The following PLAAT3 variants were observed in gnomAD, a reference collection of about 807,000 sequenced individuals.
PLAAT3 encodes phospholipase A and acyltransferase 3.
A neutral mutation model predicts 16.7 loss-of-function variants in PLAAT3; 21 were observed. The observed-to-expected ratio is 1.26, with a 90% CI of 0.89 to 1.81. PLAAT3 has a LOEUF of 1.81. PLAAT3 is among the 40% of genes most tolerant of loss of function. The pLI is 0.00. For missense variants in PLAAT3, 219 were observed against 213.7 expected (o/e 1.02, Z -0.16); for synonymous variants, 76 against 81.7 (o/e 0.93, Z 0.38).
Position 63,593,592 on chromosome 11 carries a change from G to A in PLAAT3, c.119-3224C>T, listed in dbSNP as rs11824775. Among the ~76,000 whole-genome samples, 860 of 152,094 alleles carry A rather than the reference G, an allele frequency of 5.7e-3. 7 individuals are homozygous for A. Among genetic ancestry groups the A allele is most frequent in the African/African-American group, 0.02 (820 of 41,488 alleles). On this transcript the variant is annotated intron_variant, in intron 3 of 4. Transcript: ENST00000415826. ...TGGTTTTGGTTTGTTTTTTTGAGAC[G>A]GGGTTTCACTCTGTCACCCAGGCTG...
rs537103750 is a variant in PLAAT3 at position 63,580,623 on chromosome 11, C to T, written c.388-5577G>A. On this transcript the variant is annotated intron_variant, in intron 4 of 4. Coordinates refer to ENST00000415826, the MANE Select transcript of PLAAT3 (RefSeq NM_001128203.2). ...GAGCTGAGATCACGCCACTGCACTC[C>T]AGCCTGGGCAACAGAGCAAGACTGT... Among the ~76,000 whole-genome samples the T allele has an allele frequency of 2.6e-5, 4 of 152,272 alleles. No homozygotes were observed. In the South Asian group the frequency reaches 8.3e-4, roughly 32 times the overall value.
intron 4 of PLAAT3, among the ~76,000 whole-genome samples, chr11:63,588,700 C>G (rs546414784): frequency 1.1e-4 from 17 of 152,236 alleles, no homozygotes; most frequent in African/African-American, 4.1e-4. Context: ...AAGTTGATCA[C>G]CTTTAACATT....
At chr11:63,611,312 G>A (rs928107449) in intron 2 of PLAAT3, among the ~76,000 whole-genome samples, 8 of 151,964 alleles carry the variant, frequency 5.3e-5, no homozygotes, top group South Asian at 2.1e-4. Context: ...ATCAAAAGTC[G>A]GTCTGCCTTT....
intron 4 of PLAAT3, among the ~76,000 whole-genome samples, chr11:63,579,380 C>T (rs1937727451): frequency 6.6e-6 from 1 of 152,120 alleles, no homozygotes; most frequent in African/African-American, 2.4e-5. Flanking sequence ...TGGGTATATA[C>T]CCAAAGGATT....
chr11:63,600,241 C>G lies in PLAAT3; in HGVS notation c.16-2078G>C, dbSNP rs190428171. 2.0e-5 allele frequency among the ~76,000 whole-genome samples: 3 copies of G among 152,338 alleles called. No individual in the cohort carries two copies. The East Asian group carries it at 5.8e-4, about 29-fold the overall frequency. ...CAAGGGAACCTCCCACTTCGGCCTC[C>G]CAAAGTGCTGGGATTACAGGCACGT... On this transcript the variant is annotated intron_variant, in intron 2 of 4. Transcript: ENST00000415826.
rs527992225 is a variant in PLAAT3 at position 63,597,183 on chromosome 11, A to C, written c.118+878T>G. Among the ~76,000 whole-genome samples, 7 of 152,132 alleles carry C rather than the reference A, an allele frequency of 4.6e-5. No individual in the cohort carries two copies. The South Asian group carries it at 8.3e-4, about 18-fold the overall frequency. ...CCCTTCACCTTCTGCCATGATGGTA[A>C]GTTTCCTGAGGCGTCCCCAGCCATG... is the stretch of plus-strand genomic sequence containing the variant. On this transcript the variant is annotated intron_variant, in intron 3 of 4. Coordinates refer to ENST00000415826, the MANE Select transcript of PLAAT3 (RefSeq NM_001128203.2).
rs147299582 is a variant in PLAAT3, at chr11:63,593,194, C to T, written c.119-2826G>A. Among the ~76,000 whole-genome samples, 844 of 152,330 alleles carry T rather than the reference C, an allele frequency of 5.5e-3. 6 individuals are homozygous for T. Among genetic ancestry groups the T allele is most frequent in the South Asian group, 0.015 (74 of 4,830 alleles). On this transcript the variant is annotated intron_variant, in intron 3 of 4. Transcript: ENST00000415826. ...CAATTCCCATGCTACTGAGAAGACG[C>T]TGACAATGAACAAATACACAAAATA...
chr11:63,583,502 T>C (rs1385605621), intron 4 of PLAAT3, among the ~76,000 whole-genome samples: 1 of 152,252 alleles, frequency 6.6e-6, no homozygotes, highest in Non-Finnish European at 1.5e-5. Context: ...TTTGTGGCCA[T>C]GCTTTGTACA....
chr11:63,615,378 GTA>G (rs554563553), upstream of PLAAT3, among the ~76,000 whole-genome samples: 219 of 88,210 alleles, frequency 2.5e-3, 28 homozygotes, highest in African/African-American at 7.8e-3. Flanking sequence ...ATATATGTGT[GTA>G]TATATATGTG....
intron 4 of PLAAT3, among the ~76,000 whole-genome samples, chr11:63,578,184 G>C (rs915727900): frequency 4.6e-5 from 7 of 152,014 alleles, no homozygotes; most frequent in Admixed American, 3.9e-4. Flanking sequence ...TTGGGAGACT[G>C]AGGCTGAAGA....
At chr11:63,597,950 G>A (rs760127506) in intron 3 of PLAAT3, 111 bp downstream of exon 3, 9 of 728,114 alleles carry the variant, frequency 1.2e-5, no homozygotes, top group Non-Finnish European at 2.2e-5. Flanking sequence ...AGAGACAACT[G>A]CCAGTTGGGA....
chr11:63,590,197 T>C lies in PLAAT3; in HGVS notation c.290A>G (p.Glu97Gly), dbSNP rs758819959. 40 of 1,614,014 alleles carry C rather than the reference T, an allele frequency of 2.5e-5. No individual in the cohort carries two copies. In the Admixed American group the frequency reaches 6.7e-4, roughly 27 times the overall value. ...LPCSKIIQRA[E>G]ELVGQEVLYK... ...GAGCACCTCCTGCCCCACCAGCTCCTCCGCCCGCTGGATGATTTTGCTGCA... is the reference window on the plus strand; with the variant it reads ...GAGCACCTCCTGCCCCACCAGCTCCCCCGCCCGCTGGATGATTTTGCTGCA... The change falls in exon 4 of 5, where the codon GAG (glutamate) becomes GGG (glycine). Residue 97 changes from glutamate to glycine, a missense_variant. By Grantham distance (98) the Glu-to-Gly change is moderately conservative. Transcript: ENST00000415826.
Position 63,591,642 on chromosome 11 carries a change from A to G in PLAAT3, c.119-1274T>C, listed in dbSNP as rs144903051. 1.5e-3 allele frequency among the ~76,000 whole-genome samples: 221 copies of G among 152,334 alleles called. 3 individuals carry two copies. Among genetic ancestry groups the G allele is most frequent in the African/African-American group, 4.8e-3 (200 of 41,582 alleles). ...GCTCTTCTCCGCTTTCCAAAGACCA[A>G]TAAACCTTTTCAGCCTGCATGCAAT... On this transcript the variant is annotated intron_variant, in intron 3 of 4. Coordinates refer to ENST00000415826, the MANE Select transcript of PLAAT3 (RefSeq NM_001128203.2).
chr11:63,585,993 G>C (rs1471948513), intron 4 of PLAAT3, among the ~76,000 whole-genome samples: 1 of 152,040 alleles, frequency 6.6e-6, no homozygotes, highest in Non-Finnish European at 1.5e-5. Context: ...GAGGCAGGAG[G>C]GTTGCTAGAG....
chr11:63,586,364 C>T (rs1237188679), intron 4 of PLAAT3, among the ~76,000 whole-genome samples: 5 of 152,154 alleles, frequency 3.3e-5, no homozygotes. Context: ...AAACTCCTCA[C>T]CTTAGGTGAT....
At chr11:63,611,032 AG>A (rs1258076907) in intron 2 of PLAAT3, among the ~76,000 whole-genome samples, 1 of 152,144 alleles carries the variant, frequency 6.6e-6, no homozygotes, top group Non-Finnish European at 1.5e-5. Flanking sequence ...GTGGGGAGGC[AG>A]GATGTCCTTC....
At chr11:63,606,247 C>T (rs904223780) in intron 2 of PLAAT3, among the ~76,000 whole-genome samples, 2 of 152,042 alleles carry the variant, frequency 1.3e-5, no homozygotes, top group South Asian at 2.1e-4. Flanking sequence ...GTGATCAGGG[C>T]GTGGAGCTTT....
intron 4 of PLAAT3, among the ~76,000 whole-genome samples, chr11:63,577,735 G>A (rs1319626875): frequency 2.0e-5 from 3 of 152,108 alleles, no homozygotes; most frequent in Non-Finnish European, 4.4e-5. Context: ...TCGCTTCTCG[G>A]CCTCTTGGCT....
At chr11:63,586,100 T>C (rs595152) in intron 4 of PLAAT3, among the ~76,000 whole-genome samples, 107,616 of 151,876 alleles carry the variant, frequency 0.71, 38,764 homozygotes, top group East Asian at 0.94. Flanking sequence ...ACCCATAGTC[T>C]CAGCTACTTG....
Sources: allele counts gnomAD v4.1 joint callset (sites outside exome capture counted in the v4.1 genomes callset), GRCh38; gene constraint gnomAD v4.1.1; transcripts MANE v1.5; gene names NCBI Gene and HGNC (gene_info 2026-07-23, HGNC 2026-07-21).